The following GNG7 variants were observed in gnomAD, a reference collection of about 807,000 sequenced individuals.
The protein encoded by GNG7 is guanine nucleotide-binding protein G(I)/G(S)/G(O) subunit gamma-7.
In GNG7, 1 loss-of-function variant was observed where a neutral mutation model predicts 4.0. The observed-to-expected ratio is 0.25, with a 90% CI of 0.09 to 1.18. The LOEUF is 1.18. Among genes scored for constraint, GNG7 ranks in the 50% most tolerant of loss-of-function variants. The probability of loss-of-function intolerance (pLI) is 0.50; values close to 1 mark genes in which losing one functional copy is unlikely to be tolerated. For missense variants in GNG7, 86 were observed against 91.9 expected (o/e 0.94, Z 0.26); for synonymous variants, 34 against 36.9 (o/e 0.92, Z 0.29).
At chr19:2,526,317 CTGG>C (rs1978394769) in intron 3 of GNG7, among the ~76,000 whole-genome samples, 1 of 150,878 alleles carries the variant, frequency 6.6e-6, no homozygotes, top group African/African-American at 2.4e-5. Flanking sequence ...GTTGGCCAGG[CTGG>C]TCTCAAACGC....
intron 1 of GNG7, among the ~76,000 whole-genome samples, chr19:2,648,915 G>A (rs544983449): frequency 6.6e-6 from 1 of 151,680 alleles, no homozygotes; most frequent in South Asian, 2.1e-4. Flanking sequence ...TTGAGACAGG[G>A]CCTCACTCTA....
intron 1 of GNG7, chr19:2,683,464 T>C (rs1302590041): frequency 6.6e-6 from 1 of 152,210 alleles, no homozygotes; most frequent in East Asian, 1.9e-4. Context: ...CCACGCCTTC[T>C]GTGTGGTCTT....
At chr19:2,624,217 T>C (rs991446517) in intron 2 of GNG7, among the ~76,000 whole-genome samples, 1 of 151,838 alleles carries the variant, frequency 6.6e-6, no homozygotes, top group Admixed American at 6.6e-5. Flanking sequence ...ATGTTTCATA[T>C]ATTTTACCAC....
intron 1 of GNG7, among the ~76,000 whole-genome samples, chr19:2,654,070 G>A (rs911292377): frequency 6.6e-6 from 1 of 151,840 alleles, no homozygotes; most frequent in Non-Finnish European, 1.5e-5. Flanking sequence ...TGTCTTTTGA[G>A]ACTCTGCATA....
In GNG7 at chr19:2,634,433, G is replaced by A. The variant is rs1183121156; in HGVS notation, c.-78+11791C>T. On this transcript the variant is annotated intron_variant, in intron 2 of 4. Coordinates refer to ENST00000382159, the MANE Select transcript of GNG7 (RefSeq NM_052847.3). The surrounding 1 kb of genome is among the most constrained non-coding windows in gnomAD (Gnocchi z 5.3). Reference sequence around the variant, plus strand: ...TCACCCAGATGACCCCTGCTATAGAGGGTCAAGGTCATGTCCAAGCTCTCC... The same window carrying A: ...TCACCCAGATGACCCCTGCTATAGAAGGTCAAGGTCATGTCCAAGCTCTCC... 6.6e-6 allele frequency among the ~76,000 whole-genome samples: 1 copy of A among 152,208 alleles called. No individual in the cohort carries two copies. Among genetic ancestry groups the A allele is most frequent in the African/African-American group, 2.4e-5 (1 of 41,464 alleles).
chr19:2,560,540 T>G (rs1303572501), intron 2 of GNG7, among the ~76,000 whole-genome samples: 1 of 151,818 alleles, frequency 6.6e-6, no homozygotes, highest in Non-Finnish European at 1.5e-5. Context: ...GACATTGTGG[T>G]TATCCAGACT....
intron 2 of GNG7, among the ~76,000 whole-genome samples, chr19:2,582,653 T>A (rs1980535379): frequency 7.5e-6 from 1 of 133,722 alleles, no homozygotes; most frequent in African/African-American, 3.1e-5. Context: ...TGGCTAATTG[T>A]TAATTTTTTT....
rs1249122231 is a variant in GNG7 at position 2,577,997 on chromosome 19, C to T, written c.-77-22809G>A. Among the ~76,000 whole-genome samples, 4 of 152,046 alleles carry T rather than the reference C, an allele frequency of 2.6e-5. 1 individual carries two copies. The highest frequency in any genetic ancestry group is 4.2e-4 in the South Asian group (2 of 4,816). ...GGACCACAGGTGTGCACCACCACGC[C>T]CGGCTAATTCTTTTATTTTTTTGTA... is the stretch of plus-strand genomic sequence containing the variant. On this transcript the variant is annotated intron_variant, in intron 2 of 4. Transcript: ENST00000382159.
rs71179906 is a variant in GNG7 at position 2,661,302 on chromosome 19, GAGAA to G, written c.-134-15026_-134-15023del. Reference sequence around the variant, plus strand: ...AGAAAGAAAGAAAGAAAGAAAGAAAGAGAAAGAAAGAAAGAAAGAAAGAAAGAAA... The same window carrying G: ...AGAAAGAAAGAAAGAAAGAAAGAAAGAGAAAGAAAGAAAGAAAGAAAGAAA... On this transcript the variant is annotated intron_variant, in intron 1 of 4. Transcript: ENST00000382159. Among the ~76,000 whole-genome samples, 80 of 73,112 alleles carry G rather than the reference GAGAA, an allele frequency of 1.1e-3. 3 individuals are homozygous for G. Among genetic ancestry groups the G allele is most frequent in the African/African-American group, 2.2e-3 (41 of 18,500 alleles). 48.0% of individuals were successfully genotyped at this position (73,112 alleles called of 152,430 possible).
rs549470300 is a variant in GNG7, at chr19:2,609,177, C to T, written c.-78+37047G>A. On this transcript the variant is annotated intron_variant, in intron 2 of 4. Transcript: ENST00000382159. The surrounding 1 kb of genome is among the most constrained non-coding windows in gnomAD (Gnocchi z 4.4). ...GAGTAGCTGGGATTACAGGCATGCACCACCACACCTGGCTAATTTTTAATT... is the reference window on the plus strand; with the variant it reads ...GAGTAGCTGGGATTACAGGCATGCATCACCACACCTGGCTAATTTTTAATT... 3.2e-4 allele frequency among the ~76,000 whole-genome samples: 48 copies of T among 152,160 alleles called. No homozygotes were observed. Among genetic ancestry groups the T allele is most frequent in the Admixed American group, 2.8e-3 (43 of 15,280 alleles).
Position 2,626,797 on chromosome 19 carries a change from C to T in GNG7, c.-78+19427G>A, listed in dbSNP as rs1314041083. 6.6e-6 allele frequency among the ~76,000 whole-genome samples: 1 copy of T among 152,138 alleles called. No homozygotes were observed. The highest frequency in any genetic ancestry group is 1.5e-5 in the Non-Finnish European group (1 of 68,018). On this transcript the variant is annotated intron_variant, in intron 2 of 4. Coordinates refer to ENST00000382159, the MANE Select transcript of GNG7 (RefSeq NM_052847.3). This position sits in a 1 kb window ranked among gnomAD's most constrained non-coding sequence, Gnocchi z 5.0. ...TGGGACCTTCCCTGACTAATATTCCCTCACATCGGTCCATGCTCCTGGCAT... is the reference window on the plus strand; with the variant it reads ...TGGGACCTTCCCTGACTAATATTCCTTCACATCGGTCCATGCTCCTGGCAT...
At chr19:2,535,114 T>C (rs980212165) in intron 3 of GNG7, among the ~76,000 whole-genome samples, 4 of 152,172 alleles carry the variant, frequency 2.6e-5, no homozygotes, top group African/African-American at 7.2e-5. Flanking sequence ...CATTCTCTCA[T>C]GGCCCTCTGT....
chr19:2,545,397 C>T (rs1979091276), intron 3 of GNG7, among the ~76,000 whole-genome samples: 1 of 151,990 alleles, frequency 6.6e-6, no homozygotes, highest in South Asian at 2.1e-4. Flanking sequence ...CCTGTATTTC[C>T]AGCACTTTGG....
intron 1 of GNG7, among the ~76,000 whole-genome samples, chr19:2,669,996 C>G (rs867317490): frequency 7.1e-6 from 1 of 141,106 alleles, no homozygotes; most frequent in Non-Finnish European, 1.5e-5. Context: ...GGTGACAGAG[C>G]GAGACTCTGT....
rs1979614001 is a variant in GNG7, at chr19:2,557,856, C to T, written c.-77-2668G>A. 1.3e-5 allele frequency among the ~76,000 whole-genome samples: 2 copies of T among 151,562 alleles called. No individual in the cohort carries two copies. Among genetic ancestry groups the T allele is most frequent in the Admixed American group, 1.3e-4 (2 of 15,198 alleles). ...TCTCTCTCAGGCTTACTTTTTTTCT[C>T]TTTGAGACAGAGTCTCACTCTGTCG... On this transcript the variant is annotated intron_variant, in intron 2 of 4. Coordinates refer to ENST00000382159, the MANE Select transcript of GNG7 (RefSeq NM_052847.3). This position sits in a 1 kb window ranked among gnomAD's most constrained non-coding sequence, Gnocchi z 5.1.
At chr19:2,571,293 C>T (rs1205914802) in intron 2 of GNG7, among the ~76,000 whole-genome samples, 11 of 152,126 alleles carry the variant, frequency 7.2e-5, no homozygotes, top group Admixed American at 4.6e-4. Flanking sequence ...GCGGCATTGT[C>T]GGAACCGAGA....
chr19:2,562,911 T>A (rs1302969079), intron 2 of GNG7, among the ~76,000 whole-genome samples: 1 of 151,882 alleles, frequency 6.6e-6, no homozygotes, highest in Non-Finnish European at 1.5e-5. Flanking sequence ...TGGTGTCCAG[T>A]GTGAGCAAGG....
chr19:2,666,235 C>T (rs1338682357), intron 1 of GNG7, among the ~76,000 whole-genome samples: 1 of 151,728 alleles, frequency 6.6e-6, no homozygotes, highest in Non-Finnish European at 1.5e-5. Flanking sequence ...TGCAGTGGCA[C>T]GATCTCAGCT....
At chr19:2,605,740 C>T (rs949523569) in intron 2 of GNG7, among the ~76,000 whole-genome samples, 2 of 150,156 alleles carry the variant, frequency 1.3e-5, no homozygotes, top group African/African-American at 2.5e-5. Flanking sequence ...TCTCGATCTC[C>T]TGACCTCGTG....
Sources: gnomAD v4.1 joint callset for allele counts (sites outside exome capture counted in the v4.1 genomes callset) on GRCh38, gnomAD v4.1.1 for gene constraint, Gnocchi (gnomAD v3.1) non-coding constraint, MANE v1.5 for transcripts, NCBI Gene and HGNC (gene_info 2026-07-23, HGNC 2026-07-21) for gene names.